GPHN: variants seen among roughly 807,000 people sequenced by gnomAD.
GPHN encodes gephyrin.
In GPHN, 17 loss-of-function variants were observed where a neutral mutation model predicts 95.5. The observed-to-expected ratio is 0.18, with a 90% CI of 0.12 to 0.27. The LOEUF is 0.27. GPHN is among the 10% of genes least tolerant of loss of function. GPHN has a pLI of 1.00. For synonymous variants in GPHN, 320 were observed against 322.5 expected (o/e 0.99, Z 0.08); for missense variants, 660 against 978.1 (o/e 0.67, Z 4.34).
the GPHN span, among the ~76,000 whole-genome samples, chr14:67,321,618 CT>C: frequency 6.6e-6 from 1 of 152,044 alleles, no homozygotes. Context: ...TTATATACAC[CT>C]TATTTACTTA....
chr14:66,843,509 A>G (rs1247746560), intron 4 of GPHN, among the ~76,000 whole-genome samples: 2 of 152,114 alleles, frequency 1.3e-5, no homozygotes, highest in African/African-American at 4.8e-5. Flanking sequence ...TTTGCTACCT[A>G]TGGCTGCCCC....
chr14:67,544,187 A>G, the GPHN span, among the ~76,000 whole-genome samples: 1 of 152,354 alleles, frequency 6.6e-6, no homozygotes, highest in East Asian at 1.9e-4. Context: ...GGAAAGGAAA[A>G]TCATTCACTG....
chr14:66,861,102 G>A (rs1413215673), intron 4 of GPHN, among the ~76,000 whole-genome samples: 1 of 151,860 alleles, frequency 6.6e-6, no homozygotes, highest in Non-Finnish European at 1.5e-5. Context: ...CTGAATGAAT[G>A]AAAAAACAAG....
At chr14:67,683,160 T>G in the GPHN span, among the ~76,000 whole-genome samples, 16 of 152,202 alleles carry the variant, frequency 1.1e-4, no homozygotes, top group African/African-American at 2.7e-4. Context: ...TGCTGTTGGA[T>G]CTTCAAAATG....
intron 2 of GPHN, among the ~76,000 whole-genome samples, chr14:66,685,099 A>G (rs901121915): frequency 3.9e-5 from 6 of 152,158 alleles, no homozygotes; most frequent in Non-Finnish European, 7.3e-5. Context: ...TTATGGCTGC[A>G]TAGTATTCCA....
chr14:66,666,765 A>C (rs770735524), intron 1 of GPHN, among the ~76,000 whole-genome samples: 90 of 152,338 alleles, frequency 5.9e-4, no homozygotes, highest in Admixed American at 1.2e-3. Flanking sequence ...TGTTCAACAT[A>C]GTATTGGAAT....
At chr14:66,783,221 C>T (rs2059666116) in intron 3 of GPHN, among the ~76,000 whole-genome samples, 1 of 152,154 alleles carries the variant, frequency 6.6e-6, no homozygotes, top group Admixed American at 6.5e-5. Flanking sequence ...TGATATTCCA[C>T]ATCACCCCCT....
chr14:67,577,273 C>T, the GPHN span: 1 of 1,460,502 alleles, frequency 6.8e-7, no homozygotes. Context: ...AGTAACTGCC[C>T]TTGCTCTCTG....
intron 11 of GPHN, among the ~76,000 whole-genome samples, chr14:67,075,342 C>G (rs1041874936): frequency 6.6e-6 from 1 of 152,100 alleles, no homozygotes; most frequent in Non-Finnish European, 1.5e-5. Context: ...AGATTTCTTT[C>G]AAAATATAAC....
At chr14:66,823,301 G>A (rs1298235478) in intron 3 of GPHN, 1 of 152,096 alleles carries the variant, frequency 6.6e-6, no homozygotes, top group African/African-American at 2.4e-5. Context: ...TCACCCAGCT[G>A]GTTTTTTTAT....
At chr14:67,639,380 C>T in the GPHN span, among the ~76,000 whole-genome samples, 1 of 152,074 alleles carries the variant, frequency 6.6e-6, no homozygotes, top group African/African-American at 2.4e-5. Flanking sequence ...AGTTCTGAAA[C>T]GTTAGTTAAT....
intron 1 of GPHN, among the ~76,000 whole-genome samples, chr14:66,509,637 A>G (rs1295553957): frequency 2.0e-5 from 3 of 152,120 alleles, no homozygotes; most frequent in Non-Finnish European, 4.4e-5. Context: ...GGGGTTAAAG[A>G]ACTATATTTG....
chr14:67,291,572 T>G, the GPHN span, among the ~76,000 whole-genome samples: 3 of 152,178 alleles, frequency 2.0e-5, no homozygotes, highest in African/African-American at 7.2e-5. Flanking sequence ...CGTGAGCCAC[T>G]GCGCCCAGCC....
chr14:67,473,975 G>A, the GPHN span: 6 of 1,530,830 alleles, frequency 3.9e-6, no homozygotes, highest in Admixed American at 2.0e-5. The surrounding 1 kb of genome is among the most constrained non-coding windows in gnomAD (Gnocchi z 6.5). Flanking sequence ...GGTGAGGGCC[G>A]GGCGCGGTGG....
the GPHN span, among the ~76,000 whole-genome samples, chr14:67,669,551 G>A: frequency 6.6e-6 from 1 of 151,826 alleles, no homozygotes; most frequent in African/African-American, 2.4e-5. Flanking sequence ...ACAGGCACGA[G>A]CCACCACACC....
At chr14:67,391,484 C>A in the GPHN span, among the ~76,000 whole-genome samples, 2 of 151,908 alleles carry the variant, frequency 1.3e-5, no homozygotes, top group Non-Finnish European at 2.9e-5. Context: ...TTGGTGTAGA[C>A]AGGCAGCAGT....
intron 1 of GPHN, among the ~76,000 whole-genome samples, chr14:66,586,394 G>A (rs1395027354): frequency 6.6e-6 from 1 of 152,190 alleles, no homozygotes; most frequent in African/African-American, 2.4e-5. Flanking sequence ...TACATTTAAG[G>A]TTAGTATTGT....
the GPHN span, among the ~76,000 whole-genome samples, chr14:67,663,852 C>T: frequency 6.6e-6 from 1 of 152,110 alleles, no homozygotes; most frequent in African/African-American, 2.4e-5. Flanking sequence ...CAGGTTCGGG[C>T]CTGCCTCAGC....
chr14:67,333,659 A>G, the GPHN span: 1 of 152,604 alleles, frequency 6.6e-6, no homozygotes, highest in African/African-American at 2.4e-5. Context: ...TATACAAAAT[A>G]TGCTGATCTT....
Sources: allele counts gnomAD v4.1 joint callset (sites outside exome capture counted in the v4.1 genomes callset), GRCh38; gene constraint gnomAD v4.1.1; non-coding constraint Gnocchi (gnomAD v3.1); transcripts MANE v1.5; gene names NCBI Gene and HGNC (gene_info 2026-07-23, HGNC 2026-07-21).